Variants in USP40 observed in about 807,000 individuals in gnomAD.
The protein encoded by USP40 is ubiquitin specific peptidase 40.
USP40 carries 143 observed loss-of-function variants against 166.2 expected under a neutral mutation model. The observed-to-expected ratio is 0.86, with a 90% CI of 0.75 to 0.99. The LOEUF is 0.99. USP40 is among the 50% of genes least tolerant of loss of function. The pLI, the probability that USP40 is intolerant of heterozygous loss-of-function variation, is 0.00. For synonymous variants in USP40, 498 were observed against 524.0 expected (o/e 0.95, Z 0.68); for missense variants, 1,444 against 1,479.7 (o/e 0.98, Z 0.40).
chr2:233,510,157 A>C, intron 20 of USP40, 22 bp from the exon 21 acceptor site: 3 of 1,531,896 alleles, frequency 2.0e-6, no homozygotes, highest in Non-Finnish European at 2.7e-6. Flanking sequence ...ACAGATGTGT[A>C]AATGCAATTT....
chr2:233,496,445 A>C (rs1052470708), intron 24 of USP40, among the ~76,000 whole-genome samples: 2 of 152,254 alleles, frequency 1.3e-5, no homozygotes, highest in Admixed American at 6.5e-5. Context: ...AGTTTCCAAC[A>C]ATGAGGATAT....
chr2:233,524,240 C>T lies in USP40; in HGVS notation c.1881+252G>A, dbSNP rs191322598. Among the ~76,000 whole-genome samples the T allele has an allele frequency of 4.2e-3, 647 of 152,266 alleles. 1 individual carries two copies. Among genetic ancestry groups the T allele is most frequent in the African/African-American group, 0.015 (615 of 41,534 alleles). Reference sequence around the variant, plus strand: ...CACTTTCCGGGTTCAAGCGATTCGCCTGCCTCAGCCTCCCAAGTCACTGGG... The same window carrying T: ...CACTTTCCGGGTTCAAGCGATTCGCTTGCCTCAGCCTCCCAAGTCACTGGG... On this transcript the variant is annotated intron_variant, in intron 15 of 31. Coordinates refer to ENST00000678225, the MANE Select transcript of USP40 (RefSeq NM_001365479.2).
chr2:233,523,273 C>T lies in USP40; in HGVS notation c.2098G>A (p.Gly700Ser), dbSNP rs1575286184. 1 of 1,613,880 alleles carries T rather than the reference C, an allele frequency of 6.2e-7. No individual in the cohort carries two copies. Among genetic ancestry groups the T allele is most frequent in the Non-Finnish European group, 8.5e-7 (1 of 1,179,886 alleles). The change falls in exon 16 of 32, where the codon GGT (glycine) becomes AGT (serine). Residue 700 changes from glycine to serine, a missense_variant. By Grantham distance (56) the Gly-to-Ser change is moderately conservative. Transcript: ENST00000678225. ...INSAGCPGGE[G>S]WTAIPKEDMR... ...TCTTCCTTGGGGATGGCCGTCCAAC[C>T]CTCCCCACCTGGACATCCAGCACTG...
At chr2:233,559,085 T>C (rs1459760547) in intron 4 of USP40, among the ~76,000 whole-genome samples, 2 of 152,218 alleles carry the variant, frequency 1.3e-5, no homozygotes, top group African/African-American at 2.4e-5. Context: ...CTATTCCATA[T>C]AAAAATGGTA....
rs1172070358 is a variant in USP40 at position 233,476,943 on chromosome 2, T to C, written c.*449A>G. On this transcript the variant is annotated 3_prime_UTR_variant, in exon 32 of 32. Transcript: ENST00000678225. ...GCTCAGCACCAGCGCGGTGGCGCAG[T>C]GGCCTGAGACACTGTGAGAAGCCGG... is the stretch of plus-strand genomic sequence containing the variant. 3 of 271,538 alleles carry C rather than the reference T, an allele frequency of 1.1e-5. No individual in the cohort carries two copies. Among genetic ancestry groups the C allele is most frequent in the Non-Finnish European group, 1.4e-5 (2 of 139,248 alleles). The allele number at this position is 271,538 out of a possible 1,614,324, so 16.8% of individuals were successfully genotyped here. A position where few individuals can be genotyped will look rare whatever the true frequency, so the allele number is the denominator to read the frequency against.
At chr2:233,549,844 T>C (rs2070389288) in intron 7 of USP40, among the ~76,000 whole-genome samples, 1 of 152,138 alleles carries the variant, frequency 6.6e-6, no homozygotes, top group East Asian at 1.9e-4. Flanking sequence ...CTTGTTTTAT[T>C]AATTCTATGA....
rs777399846 is a variant in USP40, at chr2:233,493,528, C to T, written c.2814G>A (p.Trp938Ter). 1.2e-6 allele frequency: 2 copies of T among 1,613,124 alleles called. No homozygotes were observed. The highest frequency in any genetic ancestry group is 1.7e-5 in the Admixed American group (1 of 59,836). ...PPLGFLKVPI[W>*]WYQLQGPSGH... ...CTGAGGGACCCTGAAGCTGGTACCA[C>T]CAGATGGGCACCTTCAGGAAACCCT... The change falls in exon 25 of 32, where the codon TGG (tryptophan) becomes TGA (stop). Residue 938 changes from tryptophan (W) to a stop codon, truncating the protein, a stop_gained. Transcript: ENST00000678225. LOFTEE classifies it high-confidence loss of function. The surrounding 1 kb of genome is among the most constrained non-coding windows in gnomAD (Gnocchi z 4.7).
intron 5 of USP40, among the ~76,000 whole-genome samples, chr2:233,555,729 G>A (rs912007183): frequency 2.7e-5 from 4 of 146,914 alleles, no homozygotes; most frequent in Admixed American, 6.9e-5. Context: ...TCCACCTCCC[G>A]GGTTCAAGCG....
At chr2:233,535,818 C>T (rs2068895011) in intron 10 of USP40, among the ~76,000 whole-genome samples, 1 of 152,000 alleles carries the variant, frequency 6.6e-6, no homozygotes, top group South Asian at 2.1e-4. Context: ...AGTTGTTTTT[C>T]TTAAAAAATC....
chr2:233,503,521 G>A (rs2066218057), intron 21 of USP40, among the ~76,000 whole-genome samples: 1 of 152,088 alleles, frequency 6.6e-6, no homozygotes, highest in Admixed American at 6.5e-5. Flanking sequence ...AATTCTGAAA[G>A]CTACAAGATA....
At chr2:233,545,750 C>G in intron 8 of USP40, 1 of 225,150 alleles carries the variant, frequency 4.4e-6, no homozygotes. Flanking sequence ...CAGGGCACAG[C>G]TCCTTCAAAG....
At chr2:233,535,044 A>G (rs2068838136) in intron 10 of USP40, among the ~76,000 whole-genome samples, 1 of 152,214 alleles carries the variant, frequency 6.6e-6, no homozygotes, top group African/African-American at 2.4e-5. Flanking sequence ...TCACCTACCT[A>G]CTACCCAGTT....
At chr2:233,509,838 TAAAAAAAAAAA>T in intron 21 of USP40, among the ~76,000 whole-genome samples, 200 bp downstream of exon 21, 1 of 80,794 alleles carries the variant, frequency 1.2e-5, no homozygotes, top group South Asian at 4.5e-4. Flanking sequence ...TGAGACTCTC[TAAAAAAAAAAA>T]AAAAAAAAAA....
intron 7 of USP40, among the ~76,000 whole-genome samples, chr2:233,550,321 T>C (rs1414217651): frequency 1.3e-5 from 2 of 152,172 alleles, no homozygotes; most frequent in Non-Finnish European, 2.9e-5. Context: ...CTCAATTTCT[T>C]CAATTATTTC....
At chr2:233,488,341 T>C (rs1268109353) in intron 27 of USP40, 37 bp from the exon 28 acceptor site, 11 of 1,508,082 alleles carry the variant, frequency 7.3e-6, no homozygotes, top group Non-Finnish European at 9.0e-6. Flanking sequence ...TTGAGTGACA[T>C]AACATTTAAT....
At chr2:233,518,872 T>A (rs887263709) in intron 18 of USP40, among the ~76,000 whole-genome samples, 1 of 152,200 alleles carries the variant, frequency 6.6e-6, no homozygotes, top group Non-Finnish European at 1.5e-5. Flanking sequence ...AATTCATGTT[T>A]GTCCAGGATA....
At chr2:233,527,181 C>T (rs1482474697) in intron 13 of USP40, among the ~76,000 whole-genome samples, 4 of 152,042 alleles carry the variant, frequency 2.6e-5, no homozygotes, top group African/African-American at 9.7e-5. Context: ...TAAAATGTAC[C>T]AGGCCTGATT....
intron 30 of USP40, among the ~76,000 whole-genome samples, chr2:233,483,497 TAAAA>T (rs1302012994): frequency 6.6e-6 from 1 of 151,690 alleles, no homozygotes; most frequent in African/African-American, 2.4e-5. Context: ...TCTCAAAAAA[TAAAA>T]AAAAGAAATC....
chr2:233,532,533 T>A (rs7571288), intron 11 of USP40, among the ~76,000 whole-genome samples: 120,468 of 152,178 alleles, frequency 0.79, 47,774 homozygotes, highest in East Asian at 0.87. Context: ...CTGCTCAGGC[T>A]GCTTCCACAC....
Sources: allele counts gnomAD v4.1 joint callset (sites outside exome capture counted in the v4.1 genomes callset), GRCh38; gene constraint gnomAD v4.1.1; non-coding constraint Gnocchi (gnomAD v3.1); transcripts MANE v1.5; gene names NCBI Gene and HGNC (gene_info 2026-07-23, HGNC 2026-07-21).